LPP: variants seen among roughly 807,000 people sequenced by gnomAD.
LPP encodes the protein lipoma-preferred partner.
LPP carries 38 observed loss-of-function variants against 60.4 expected under a neutral mutation model. The observed-to-expected ratio is 0.63, with a 90% confidence interval of 0.49 to 0.83. The LOEUF (loss-of-function observed/expected upper bound fraction) is 0.83. Ranked by LOEUF, LPP falls within the 40% of genes least tolerant of loss-of-function variation. LPP has a pLI of 0.00. For missense variants in LPP, 902 were observed against 783.6 expected (o/e 1.15, Z -1.80); for synonymous variants, 328 against 290.8 (o/e 1.13, Z -1.30).
intron 3 of LPP, among the ~76,000 whole-genome samples, chr3:188,360,640 A>G (rs939604038): frequency 2.0e-5 from 3 of 152,168 alleles, no homozygotes; most frequent in African/African-American, 7.2e-5. Context: ...TACAGTCATG[A>G]GCCACCACAT....
rs142735002 is a variant in LPP, at chr3:188,747,915, C to G, written c.1241-12198C>G. Among the ~76,000 whole-genome samples the G allele has an allele frequency of 7.2e-5, 11 of 152,212 alleles. No individual in the cohort carries two copies. The East Asian group carries it at 2.1e-3, about 29-fold the overall frequency. On this transcript the variant is annotated intron_variant, in intron 8 of 11. Transcript: ENST00000617246. ...CTCCCTCTGAGCTCCAGTGTAACAT[C>G]GGGTGTCAAGTATTTGTGGCCCCAT...
At chr3:188,187,584 T>C (rs1726973715) in intron 1 of LPP, among the ~76,000 whole-genome samples, 1 of 152,136 alleles carries the variant, frequency 6.6e-6, no homozygotes, top group South Asian at 2.1e-4. Flanking sequence ...CTTGTCTGCT[T>C]GGAGTCTGTT....
intron 6 of LPP, among the ~76,000 whole-genome samples, chr3:188,547,874 T>G (rs1011580677): frequency 6.6e-6 from 1 of 152,208 alleles, no homozygotes; most frequent in African/African-American, 2.4e-5. Flanking sequence ...GTCTGGGCTC[T>G]GGAGCGTGGC....
At chr3:188,320,083 C>T (rs796188979) in intron 2 of LPP, among the ~76,000 whole-genome samples, 5 of 152,178 alleles carry the variant, frequency 3.3e-5, no homozygotes, top group South Asian at 2.1e-4. Context: ...AGGTGAAGTA[C>T]GCTTCTCATT....
At chr3:188,723,897 G>T (rs1717396637) in intron 8 of LPP, among the ~76,000 whole-genome samples, 1 of 151,952 alleles carries the variant, frequency 6.6e-6, no homozygotes, top group African/African-American at 2.4e-5. Context: ...TAAGATGGGA[G>T]AGCACATCTT....
chr3:188,238,533 C>T (rs374130006), intron 2 of LPP, among the ~76,000 whole-genome samples: 10 of 151,984 alleles, frequency 6.6e-5, no homozygotes, highest in Non-Finnish European at 1.2e-4. Context: ...TTGAACACTT[C>T]GAAACCATTG....
chr3:188,592,563 T>TTTTTTTTTTTTTTTTTTTTTTGG lies in LPP; in HGVS notation c.430-16598_430-16597insTTTTTTTTTTTTTTTTTTTTTGG. On this transcript the variant is annotated intron_variant, in intron 6 of 11. Coordinates refer to ENST00000617246, the MANE Select transcript of LPP (RefSeq NM_001375462.1). ...TGTTTTTAGTTTTGTTTTTGTTTTT[T>TTTTTTTTTTTTTTTTTTTTTTGG]AAATGGAGTCTCACTCTTTCTCCCA... Among the ~76,000 whole-genome samples the TTTTTTTTTTTTTTTTTTTTTTGG allele has an allele frequency of 7.6e-3, 585 of 76,968 alleles. 127 individuals are homozygous for TTTTTTTTTTTTTTTTTTTTTTGG. Among genetic ancestry groups the TTTTTTTTTTTTTTTTTTTTTTGG allele is most frequent in the Non-Finnish European group, 0.011 (395 of 36,106 alleles). The allele number at this position is 76,968 out of a possible 152,430, so 50.5% of individuals were successfully genotyped here. A position where few individuals can be genotyped will look rare whatever the true frequency, so the allele number is the denominator to read the frequency against.
At chr3:188,819,198 C>T (rs966842986) in intron 9 of LPP, among the ~76,000 whole-genome samples, 16 of 151,922 alleles carry the variant, frequency 1.1e-4, no homozygotes, top group South Asian at 6.2e-4. Flanking sequence ...TATGCAGGTT[C>T]GTTACAAGAT....
At chr3:188,755,832 A>C (rs1194403699) in intron 8 of LPP, among the ~76,000 whole-genome samples, 4 of 11,826 alleles carry the variant, frequency 3.4e-4, no homozygotes, top group African/African-American at 1.3e-3. Context: ...AAAAAAAAAA[A>C]AAAAAAAAAA....
intron 2 of LPP, among the ~76,000 whole-genome samples, chr3:188,292,632 C>T (rs1429355880): frequency 6.6e-6 from 1 of 152,164 alleles, no homozygotes; most frequent in Non-Finnish European, 1.5e-5. Context: ...ACCCAATAAG[C>T]CTAGTGCTGT....
chr3:188,406,222 T>G lies in LPP; in HGVS notation c.102T>G (p.Ile34Met), dbSNP rs754192172. Reference sequence around the variant, plus strand: ...CCCATTCCTTTGGGAACCCCAGCATTTCAGTGTCTACACAACAGCCACCCA... The same window carrying G: ...CCCATTCCTTTGGGAACCCCAGCATGTCAGTGTCTACACAACAGCCACCCA... ...ETTHSFGNPS[I>M]SVSTQQPPKK... Residue 34 changes from isoleucine to methionine, a missense_variant, in exon 4 of 12, where the codon ATT (isoleucine) becomes ATG (methionine). Physicochemically the swap from Ile to Met is conservative, Grantham distance 10 (BLOSUM62 1). Transcript: ENST00000617246. 1.2e-6 allele frequency: 2 copies of G among 1,614,144 alleles called. No homozygotes were observed. The highest frequency in any genetic ancestry group is 1.7e-6 in the Non-Finnish European group (2 of 1,180,004).
Position 188,777,564 on chromosome 3 carries a change from A to G in LPP, c.1410+17282A>G, listed in dbSNP as rs142712762. On this transcript the variant is annotated intron_variant, in intron 9 of 11. Coordinates refer to ENST00000617246, the MANE Select transcript of LPP (RefSeq NM_001375462.1). ...TGGAGATTGGATGGACAGGGTAGCA[A>G]AAGATTGAGGAGCTAATTTTGCTGC... Among the ~76,000 whole-genome samples, 117 of 152,282 alleles carry G rather than the reference A, an allele frequency of 7.7e-4. 1 individual carries two copies. The highest frequency in any genetic ancestry group is 2.8e-3 in the African/African-American group (116 of 41,562).
chr3:188,249,994 AT>A (rs554347875), intron 2 of LPP, among the ~76,000 whole-genome samples: 156 of 152,128 alleles, frequency 1.0e-3, no homozygotes, highest in Non-Finnish European at 1.3e-3. Context: ...AATAAAAAAA[AT>A]AAAGATAGTC....
chr3:188,490,515 A>G (rs1363036955), intron 5 of LPP, among the ~76,000 whole-genome samples: 1 of 150,062 alleles, frequency 6.7e-6, no homozygotes, highest in Non-Finnish European at 1.5e-5. Flanking sequence ...AGCACGCCCC[A>G]CCAAGACCGG....
At chr3:188,586,415 A>G (rs920297665) in intron 6 of LPP, among the ~76,000 whole-genome samples, 1 of 152,214 alleles carries the variant, frequency 6.6e-6, no homozygotes, top group Non-Finnish European at 1.5e-5. Flanking sequence ...AATTGCTACT[A>G]AATAGGCCTC....
chr3:188,781,168 A>G (rs1739517832), intron 9 of LPP, among the ~76,000 whole-genome samples: 1 of 152,238 alleles, frequency 6.6e-6, no homozygotes, highest in African/African-American at 2.4e-5. Flanking sequence ...TGAATGTCAA[A>G]TAAAATTATA....
At chr3:188,302,994 T>A (rs1446828947) in intron 2 of LPP, among the ~76,000 whole-genome samples, 1 of 152,160 alleles carries the variant, frequency 6.6e-6, no homozygotes, top group Non-Finnish European at 1.5e-5. Flanking sequence ...CTTATATGAT[T>A]TTATTCTTAC....
intron 6 of LPP, among the ~76,000 whole-genome samples, chr3:188,535,370 C>T (rs1405475356): frequency 6.6e-6 from 1 of 152,072 alleles, no homozygotes; most frequent in Non-Finnish European, 1.5e-5. Context: ...GTGATGAGTA[C>T]CAGACTGTGA....
At chr3:188,324,971 C>CT (rs753701294) in intron 2 of LPP, among the ~76,000 whole-genome samples, 13 of 151,246 alleles carry the variant, frequency 8.6e-5, no homozygotes, top group Non-Finnish European at 1.3e-4. Flanking sequence ...ATGTTCTCTC[C>CT]TTTTTTTTTC....
Sources: gnomAD v4.1 joint callset for allele counts (sites outside exome capture counted in the v4.1 genomes callset) on GRCh38, gnomAD v4.1.1 for gene constraint, MANE v1.5 for transcripts, NCBI Gene and HGNC (gene_info 2026-07-23, HGNC 2026-07-21) for gene names.